Variants in ARL6IP6 observed in about 807,000 individuals in gnomAD.
ARL6IP6 encodes the protein ARF like GTPase 6 interacting protein 6.
In ARL6IP6, 22 loss-of-function variants were observed where a neutral mutation model predicts 21.5. The ratio of observed to expected loss-of-function variants is 1.02; its 90% confidence interval spans 0.73 to 1.46. The LOEUF (loss-of-function observed/expected upper bound fraction) is 1.46. Ranked by LOEUF, ARL6IP6 falls within the 40% of genes most tolerant of loss-of-function variation. ARL6IP6 has a pLI of 0.00. For missense variants in ARL6IP6, 388 were observed against 299.8 expected (o/e 1.29, Z -2.17); for synonymous variants, 164 against 125.3 (o/e 1.31, Z -2.06).
chr2:152,731,692 A>G (rs1700319458), intron 2 of ARL6IP6, among the ~76,000 whole-genome samples: 1 of 152,064 alleles, frequency 6.6e-6, no homozygotes, highest in African/African-American at 2.4e-5. Flanking sequence ...AAAAGTGTAA[A>G]AGAGTATAGA....
Position 152,720,494 on chromosome 2 carries a change from G to C in ARL6IP6, c.401-39G>C, listed in dbSNP as rs202137504. 9 of 1,592,158 alleles carry C rather than the reference G, an allele frequency of 5.7e-6. No homozygotes were observed. The African/African-American group carries it at 1.1e-4, about 19-fold the overall frequency. On this transcript the variant is annotated intron_variant, in intron 1 of 3. Transcript: ENST00000326446. ...CCCTTGAGTTACTTTTCAAATTATA[G>C]TATTGCTTTCCTACCTAAGTCCCTC...
In ARL6IP6 at chr2:152,753,853, C is replaced by T. The variant is rs774149849; in HGVS notation, c.588-5894C>T. ...CTGGCACTACAGGCGCTCGCCACCA[C>T]GCCACGCCCAGCTAATTTTTTGTAT... On this transcript the variant is annotated intron_variant, in intron 3 of 3. Coordinates refer to ENST00000326446, the MANE Select transcript of ARL6IP6 (RefSeq NM_152522.7). Among the ~76,000 whole-genome samples the T allele has an allele frequency of 7.4e-4, 112 of 151,898 alleles. 3 individuals are homozygous for T. Among genetic ancestry groups the T allele is most frequent in the Non-Finnish European group, 1.9e-4 (13 of 67,962 alleles).
intron 3 of ARL6IP6, among the ~76,000 whole-genome samples, chr2:152,751,266 G>A (rs1701317187): frequency 6.6e-6 from 1 of 152,070 alleles, no homozygotes; most frequent in African/African-American, 2.4e-5. Context: ...ATGAATGATA[G>A]TCCCATACAA....
intron 3 of ARL6IP6, among the ~76,000 whole-genome samples, chr2:152,752,894 C>A (rs1018757681): frequency 1.3e-5 from 2 of 152,082 alleles, no homozygotes; most frequent in Non-Finnish European, 2.9e-5. Context: ...CAGGTGTTTT[C>A]CCTTTGATTG....
intron 2 of ARL6IP6, among the ~76,000 whole-genome samples, chr2:152,722,559 A>G (rs1699837884): frequency 6.6e-6 from 1 of 152,210 alleles, no homozygotes; most frequent in South Asian, 2.1e-4. Flanking sequence ...GAGGATTCTT[A>G]AAAATCTGTT....
chr2:152,749,506 T>TA (rs1029780926), intron 3 of ARL6IP6, among the ~76,000 whole-genome samples: 15 of 152,210 alleles, frequency 9.9e-5, no homozygotes, highest in Non-Finnish European at 2.2e-4. Context: ...GAAGAATTTT[T>TA]AAAAATCTCT....
chr2:152,754,492 A>G (rs1030530525), intron 3 of ARL6IP6, among the ~76,000 whole-genome samples: 6 of 152,086 alleles, frequency 3.9e-5, no homozygotes, highest in South Asian at 4.1e-4. Context: ...GGGTAGTTCT[A>G]CTTTTTTACT....
chr2:152,746,973 G>A (rs1701087236), intron 3 of ARL6IP6, among the ~76,000 whole-genome samples: 1 of 151,824 alleles, frequency 6.6e-6, no homozygotes, highest in African/African-American at 2.4e-5. Flanking sequence ...CTACAGGCGA[G>A]TGCTGCTATG....
At chr2:152,734,962 A>G in intron 2 of ARL6IP6, 32 bp from the exon 3 acceptor site, 1 of 1,594,262 alleles carries the variant, frequency 6.3e-7, no homozygotes, top group Non-Finnish European at 8.6e-7. Flanking sequence ...GGTGTTAATA[A>G]TGTACTTTTT....
chr2:152,731,852 G>A (rs1157422502), intron 2 of ARL6IP6, among the ~76,000 whole-genome samples: 1 of 151,948 alleles, frequency 6.6e-6, no homozygotes, highest in Non-Finnish European at 1.5e-5. Flanking sequence ...ATATGTATGT[G>A]TATAATACAT....
chr2:152,736,704 C>T (rs1700568847), intron 3 of ARL6IP6, among the ~76,000 whole-genome samples: 1 of 151,966 alleles, frequency 6.6e-6, no homozygotes, highest in African/African-American at 2.4e-5. Flanking sequence ...TTGAATTCAG[C>T]CAACCATGGA....
At chr2:152,744,437 T>C (rs975602726) in intron 3 of ARL6IP6, among the ~76,000 whole-genome samples, 2 of 152,126 alleles carry the variant, frequency 1.3e-5, no homozygotes, top group Admixed American at 1.3e-4. Context: ...TCTTTAGATA[T>C]ATTATTGGTT....
At chr2:152,753,373 A>T (rs954978287) in intron 3 of ARL6IP6, among the ~76,000 whole-genome samples, 1 of 152,136 alleles carries the variant, frequency 6.6e-6, no homozygotes, top group African/African-American at 2.4e-5. Flanking sequence ...ACCCACATAC[A>T]TACGCTCAGA....
chr2:152,717,986 T>G, upstream of ARL6IP6: 1 of 997,792 alleles, frequency 1.0e-6, no homozygotes. Flanking sequence ...TCGATCTCCG[T>G]ACGCACCAGG....
At chr2:152,723,564 C>A (rs563049209) in intron 2 of ARL6IP6, among the ~76,000 whole-genome samples, 2 of 152,108 alleles carry the variant, frequency 1.3e-5, no homozygotes, top group African/African-American at 4.8e-5. Flanking sequence ...AACTGCTCTA[C>A]CATGAAAGAG....
At chr2:152,744,556 C>CT (rs1185161123) in intron 3 of ARL6IP6, among the ~76,000 whole-genome samples, 3 of 152,182 alleles carry the variant, frequency 2.0e-5, no homozygotes, top group Non-Finnish European at 4.4e-5. Context: ...AGAGTGGTGT[C>CT]TTTTTTTCAC....
chr2:152,718,419 G>A (rs1247567723), upstream of ARL6IP6: 2 of 637,238 alleles, frequency 3.1e-6, no homozygotes, highest in Admixed American at 4.3e-5. Flanking sequence ...CAGCCCTGGG[G>A]TCGAGCTCTG....
upstream of ARL6IP6, chr2:152,718,584 G>A (rs753851787): frequency 2.7e-6 from 4 of 1,499,134 alleles, no homozygotes; most frequent in South Asian, 1.4e-5. Flanking sequence ...GGGGCAGGTG[G>A]GAGAGGCTCG....
At chr2:152,759,135 T>C (rs1701717149) in intron 3 of ARL6IP6, among the ~76,000 whole-genome samples, 1 of 152,186 alleles carries the variant, frequency 6.6e-6, no homozygotes. Flanking sequence ...GGAATATTCA[T>C]GCACATAAGA....
Sources: allele counts gnomAD v4.1 joint callset (sites outside exome capture counted in the v4.1 genomes callset), GRCh38; gene constraint gnomAD v4.1.1; transcripts MANE v1.5; gene names NCBI Gene and HGNC (gene_info 2026-07-23, HGNC 2026-07-21).